Variants in BMPR1B observed in about 807,000 individuals in gnomAD.
The protein encoded by BMPR1B is bone morphogenetic protein receptor type 1B, also known as bone morphogenetic protein receptor type-1B.
In BMPR1B, 12 loss-of-function variants were observed where a neutral mutation model predicts 59.1. The observed-to-expected ratio is 0.20, with a 90% confidence interval of 0.13 to 0.33. The LOEUF (loss-of-function observed/expected upper bound fraction) is 0.33, where lower values mean the gene tolerates loss of function less well. Ranked by LOEUF, BMPR1B falls within the 10% of genes least tolerant of loss-of-function variation. The probability of loss-of-function intolerance (pLI) is 1.00; values close to 1 mark genes in which losing one functional copy is unlikely to be tolerated. For missense variants in BMPR1B, 550 were observed against 610.9 expected (o/e 0.90, Z 1.05); for synonymous variants, 237 against 207.3 (o/e 1.14, Z -1.23).
intron 2 of BMPR1B, among the ~76,000 whole-genome samples, chr4:94,963,002 A>AT (rs1224988818): frequency 2.0e-5 from 3 of 152,080 alleles, no homozygotes; most frequent in South Asian, 4.1e-4. Flanking sequence ...TGTCTGTTTT[A>AT]TATAGGCCAT....
At chr4:94,972,451 T>C (rs921135530) in intron 2 of BMPR1B, among the ~76,000 whole-genome samples, 1 of 152,176 alleles carries the variant, frequency 6.6e-6, no homozygotes, top group Admixed American at 6.5e-5. Context: ...AATTTTTTTT[T>C]CATTACTTTT....
chr4:94,918,672 A>G (rs1202424553), intron 2 of BMPR1B, among the ~76,000 whole-genome samples: 1 of 145,566 alleles, frequency 6.9e-6, no homozygotes, highest in Non-Finnish European at 1.5e-5. Context: ...CAACAGAGTA[A>G]GACACTGTTT....
intron 2 of BMPR1B, among the ~76,000 whole-genome samples, chr4:94,923,849 C>G (rs972154932): frequency 5.3e-5 from 8 of 152,006 alleles, no homozygotes; most frequent in Admixed American, 3.3e-4. Context: ...GGTTCTAGAT[C>G]TCTTTGACTG....
chr4:94,879,574 G>A lies in BMPR1B; in HGVS notation c.-113+3674G>A, dbSNP rs539158177. 2.6e-5 allele frequency among the ~76,000 whole-genome samples: 4 copies of A among 152,220 alleles called. No individual in the cohort carries two copies. The South Asian group carries it at 8.3e-4, about 32-fold the overall frequency. On this transcript the variant is annotated intron_variant, in intron 2 of 12. Transcript: ENST00000515059. ...GCTGTGTTAGCACCACTGTACTCCAGCTTGGATGACAGAGCGAGACCCTGT... is the reference window on the plus strand; with the variant it reads ...GCTGTGTTAGCACCACTGTACTCCAACTTGGATGACAGAGCGAGACCCTGT...
intron 3 of BMPR1B, among the ~76,000 whole-genome samples, chr4:95,023,803 T>C (rs945718957): frequency 6.6e-6 from 1 of 152,250 alleles, no homozygotes; most frequent in African/African-American, 2.4e-5. Flanking sequence ...TGTATGTTAA[T>C]ATATGCAAGT....
At chr4:95,029,001 T>C (rs1724617516) in intron 3 of BMPR1B, among the ~76,000 whole-genome samples, 1 of 151,192 alleles carries the variant, frequency 6.6e-6, no homozygotes, top group African/African-American at 2.4e-5. Flanking sequence ...ATCACGATAA[T>C]TGAAATGATC....
At chr4:94,825,982 C>G (rs571681570) in intron 1 of BMPR1B, among the ~76,000 whole-genome samples, 1 of 152,108 alleles carries the variant, frequency 6.6e-6, no homozygotes, top group South Asian at 2.1e-4. Context: ...ACAGATATTA[C>G]TTTTTCCCCA....
chr4:95,091,135 G>T (rs1729948776), intron 3 of BMPR1B, among the ~76,000 whole-genome samples: 1 of 152,040 alleles, frequency 6.6e-6, no homozygotes, highest in Non-Finnish European at 1.5e-5. Context: ...TTTAAATGAT[G>T]AATTCTAGAT....
chr4:95,098,593 G>A (rs1451406063), intron 3 of BMPR1B, among the ~76,000 whole-genome samples: 3 of 151,598 alleles, frequency 2.0e-5, no homozygotes, highest in Non-Finnish European at 4.4e-5. Context: ...TAGGGTACAT[G>A]TGCATCTTAC....
At chr4:94,764,543 G>A (rs959250419) in intron 1 of BMPR1B, among the ~76,000 whole-genome samples, 3 of 152,110 alleles carry the variant, frequency 2.0e-5, no homozygotes, top group Admixed American at 1.3e-4. Context: ...CAGCTTATCA[G>A]GAGCTGTGTC....
intron 1 of BMPR1B, among the ~76,000 whole-genome samples, chr4:94,839,661 C>T (rs1435193222): frequency 6.2e-5 from 9 of 144,794 alleles, no homozygotes; most frequent in East Asian, 3.9e-4. Context: ...TGTCTCTGCA[C>T]GTGAGATGGG....
At chr4:94,881,259 G>GTTTTTTTTCTT (rs1726956586) in intron 2 of BMPR1B, among the ~76,000 whole-genome samples, 1 of 152,054 alleles carries the variant, frequency 6.6e-6, no homozygotes, top group Non-Finnish European at 1.5e-5. Context: ...GAATTTGGCT[G>GTTTTTTTTCTT]TAACGTTACT....
intron 2 of BMPR1B, among the ~76,000 whole-genome samples, chr4:94,931,255 C>A (rs1035282225): frequency 2.6e-5 from 4 of 152,084 alleles, no homozygotes; most frequent in Admixed American, 2.6e-4. Flanking sequence ...ATTTTTAAAT[C>A]CTATTGTGAC....
chr4:95,082,562 C>T (rs1205161922), intron 3 of BMPR1B, among the ~76,000 whole-genome samples: 1 of 151,970 alleles, frequency 6.6e-6, no homozygotes, highest in Non-Finnish European at 1.5e-5. Flanking sequence ...ATTTAATCTC[C>T]CAAACTCCAT....
chr4:94,876,792 T>C (rs2148974372), intron 2 of BMPR1B, among the ~76,000 whole-genome samples: 1 of 152,344 alleles, frequency 6.6e-6, no homozygotes, highest in African/African-American at 2.4e-5. Context: ...TGAACAAATG[T>C]AGGATGAATA....
At chr4:94,923,270 C>T (rs964508669) in intron 2 of BMPR1B, among the ~76,000 whole-genome samples, 1 of 151,904 alleles carries the variant, frequency 6.6e-6, no homozygotes, top group African/African-American at 2.4e-5. Context: ...TAATATTATT[C>T]CTATTTGCCG....
intron 3 of BMPR1B, among the ~76,000 whole-genome samples, chr4:95,050,899 G>A (rs773081216): frequency 6.6e-6 from 1 of 151,914 alleles, no homozygotes; most frequent in Non-Finnish European, 1.5e-5. Context: ...CAATATCATG[G>A]CAAATGAAAC....
intron 1 of BMPR1B, among the ~76,000 whole-genome samples, chr4:94,765,203 A>G (rs760568552): frequency 5.3e-5 from 8 of 152,176 alleles, no homozygotes; most frequent in Non-Finnish European, 1.0e-4. Context: ...GCTTTATACT[A>G]TTACCTAAAA....
At chr4:95,062,057 G>A (rs1193090608) in intron 3 of BMPR1B, among the ~76,000 whole-genome samples, 1 of 152,054 alleles carries the variant, frequency 6.6e-6, no homozygotes, top group Admixed American at 6.6e-5. Flanking sequence ...AGTTTCCTGA[G>A]GCCTCACCAG....
Sources: gnomAD v4.1 joint callset for allele counts (sites outside exome capture counted in the v4.1 genomes callset) on GRCh38, gnomAD v4.1.1 for gene constraint, MANE v1.5 for transcripts, NCBI Gene and HGNC (gene_info 2026-07-23, HGNC 2026-07-21) for gene names.